Variants in DIS3L2 observed in about 807,000 individuals in gnomAD.
The protein encoded by DIS3L2 is DIS3 like 3'-5' exoribonuclease 2, also known as DIS3-like exonuclease 2.
A neutral mutation model predicts 97.5 loss-of-function variants in DIS3L2; 34 were observed. The ratio of observed to expected loss-of-function variants is 0.35; its 90% confidence interval spans 0.27 to 0.46. DIS3L2 has a LOEUF of 0.46. Ranked by LOEUF, DIS3L2 falls within the 20% of genes least tolerant of loss-of-function variation. The pLI is 1.00. For missense variants in DIS3L2, 1,038 were observed against 1,146.0 expected (o/e 0.91, Z 1.36); for synonymous variants, 435 against 445.2 (o/e 0.98, Z 0.29).
intron 15 of DIS3L2, among the ~76,000 whole-genome samples, chr2:232,330,471 C>G (rs1172274690): frequency 6.6e-6 from 1 of 152,176 alleles, no homozygotes; most frequent in East Asian, 1.9e-4. Context: ...AGAGCTGGAG[C>G]CCAGTGAGTC....
intron 5 of DIS3L2, among the ~76,000 whole-genome samples, chr2:232,063,582 AT>A (rs1370218471): frequency 6.6e-6 from 1 of 152,042 alleles, no homozygotes; most frequent in Non-Finnish European, 1.5e-5. Context: ...AAACTATGAC[AT>A]CTTTTTTCAT....
chr2:232,120,813 T>C (rs1455300207), intron 6 of DIS3L2, among the ~76,000 whole-genome samples: 1 of 152,128 alleles, frequency 6.6e-6, no homozygotes, highest in African/African-American at 2.4e-5. Context: ...CTCCTGCATT[T>C]ATTTCGATAC....
At chr2:232,117,179 C>T (rs1697749897) in intron 6 of DIS3L2, among the ~76,000 whole-genome samples, 1 of 152,136 alleles carries the variant, frequency 6.6e-6, no homozygotes, top group Non-Finnish European at 1.5e-5. Flanking sequence ...CTGGGCCGAC[C>T]CTGGTGTAGT....
At chr2:232,039,936 C>T (rs1430248992) in intron 5 of DIS3L2, among the ~76,000 whole-genome samples, 1 of 152,192 alleles carries the variant, frequency 6.6e-6, no homozygotes, top group African/African-American at 2.4e-5. Context: ...TTCTCATCTA[C>T]CATTCATCCT....
At chr2:232,041,245 A>G (rs1433759969) in intron 5 of DIS3L2, among the ~76,000 whole-genome samples, 1 of 152,192 alleles carries the variant, frequency 6.6e-6, no homozygotes. Flanking sequence ...CTTGCTGTTC[A>G]AGGCAGAGTC....
At chr2:232,049,453 A>G (rs188731174) in intron 5 of DIS3L2, among the ~76,000 whole-genome samples, 2 of 152,192 alleles carry the variant, frequency 1.3e-5, no homozygotes, top group Non-Finnish European at 1.5e-5. Context: ...GCCCTACTGA[A>G]TGGATTATAA....
chr2:232,129,543 T>G (rs1364057656), intron 6 of DIS3L2, among the ~76,000 whole-genome samples: 1 of 152,266 alleles, frequency 6.6e-6, no homozygotes, highest in Non-Finnish European at 1.5e-5. Context: ...CAATGAGGAT[T>G]CTGCATTCAG....
rs116692367 is a variant in DIS3L2, at chr2:232,333,705, G to A, written c.2011-135G>A. On this transcript the variant is annotated intron_variant, in intron 16 of 20. Transcript: ENST00000325385. Reference sequence around the variant, plus strand: ...GGCCCTGGCCCCAGTCCTCCCTGGCGTCACTCAGCAACCAGCAGCCCATTA... The same window carrying A: ...GGCCCTGGCCCCAGTCCTCCCTGGCATCACTCAGCAACCAGCAGCCCATTA... The A allele has an allele frequency of 1.7e-3, 2,303 of 1,338,252 alleles. 35 individuals carry two copies. The African/African-American group carries it at 0.031, about 18-fold the overall frequency. The allele number at this position is 1,338,252 out of a possible 1,614,324, so 82.9% of individuals were successfully genotyped here. A position where few individuals can be genotyped will look rare whatever the true frequency, so the allele number is the denominator to read the frequency against.
intron 5 of DIS3L2, among the ~76,000 whole-genome samples, chr2:232,081,791 CTTTT>C (rs1190260020): frequency 3.3e-5 from 5 of 151,998 alleles, no homozygotes; most frequent in African/African-American, 1.2e-4. Flanking sequence ...CACACCTTTA[CTTTT>C]TTTGTTTGTT....
intron 6 of DIS3L2, among the ~76,000 whole-genome samples, chr2:232,105,376 G>A (rs1039247949): frequency 6.6e-6 from 1 of 151,994 alleles, no homozygotes; most frequent in African/African-American, 2.4e-5. Flanking sequence ...TTATTAGGGG[G>A]GTTAACAGAA....
Position 232,276,884 on chromosome 2 carries a change from A to G in DIS3L2, c.1659+13444A>G. 6.6e-6 allele frequency among the ~76,000 whole-genome samples: 1 copy of G among 152,242 alleles called. No individual in the cohort carries two copies. The highest frequency in any genetic ancestry group is 1.5e-5 in the Non-Finnish European group (1 of 68,036). On this transcript the variant is annotated intron_variant, in intron 13 of 20. Transcript: ENST00000325385. The surrounding 1 kb of genome is among the most constrained non-coding windows in gnomAD (Gnocchi z 4.4). ...TTGGAACAGTGCCTGACACATAGCA[A>G]GCACCCAGCAGGGATTAGCTGTGTG... is the stretch of plus-strand genomic sequence containing the variant.
At chr2:232,118,899 C>T (rs1697809511) in intron 6 of DIS3L2, among the ~76,000 whole-genome samples, 1 of 152,148 alleles carries the variant, frequency 6.6e-6, no homozygotes, top group African/African-American at 2.4e-5. Flanking sequence ...TAGGGGCCTT[C>T]GTGGATCTCA....
chr2:232,296,500 G>A (rs905911710), intron 13 of DIS3L2, among the ~76,000 whole-genome samples: 3 of 152,178 alleles, frequency 2.0e-5, no homozygotes, highest in Non-Finnish European at 4.4e-5. Context: ...AATCCCTCAT[G>A]TTGTGGGAGG....
intron 19 of DIS3L2, 177 bp from the exon 20 acceptor site, chr2:232,335,596 C>T: frequency 2.9e-6 from 2 of 679,246 alleles, no homozygotes; most frequent in South Asian, 3.8e-5. Context: ...GTCACTCTCA[C>T]CTGCTGCCTC....
At chr2:232,024,881 T>C (rs1694616844) in intron 4 of DIS3L2, among the ~76,000 whole-genome samples, 1 of 152,170 alleles carries the variant, frequency 6.6e-6, no homozygotes, top group Non-Finnish European at 1.5e-5. Flanking sequence ...AGAGGCTCTT[T>C]CCACTTAAAT....
chr2:232,314,029 G>A (rs912764720), intron 14 of DIS3L2, among the ~76,000 whole-genome samples: 1 of 152,158 alleles, frequency 6.6e-6, no homozygotes. Flanking sequence ...ATGAGATTTG[G>A]GTGGGGACAC....
intron 1 of DIS3L2, among the ~76,000 whole-genome samples, chr2:231,979,839 G>A (rs549998972): frequency 4.6e-5 from 7 of 152,264 alleles, no homozygotes; most frequent in African/African-American, 1.7e-4. Flanking sequence ...GCCTCCCAAA[G>A]TGCTGGGATT....
chr2:232,170,899 A>G (rs1249852924), intron 9 of DIS3L2, among the ~76,000 whole-genome samples: 2 of 152,196 alleles, frequency 1.3e-5, no homozygotes, highest in Non-Finnish European at 2.9e-5. Context: ...AGAGTCATAT[A>G]ATACTAACCT....
intron 14 of DIS3L2, among the ~76,000 whole-genome samples, chr2:232,316,863 G>C (rs1695290058): frequency 6.6e-6 from 1 of 152,004 alleles, no homozygotes; most frequent in African/African-American, 2.4e-5. Flanking sequence ...CAGTTAGCTG[G>C]TCGCTATCTT....
Sources: gnomAD v4.1 joint callset for allele counts (sites outside exome capture counted in the v4.1 genomes callset) on GRCh38, gnomAD v4.1.1 for gene constraint, Gnocchi (gnomAD v3.1) non-coding constraint, MANE v1.5 for transcripts, NCBI Gene and HGNC (gene_info 2026-07-23, HGNC 2026-07-21) for gene names.